The following PIK3R3 variants were observed in gnomAD, a reference collection of about 807,000 sequenced individuals.
PIK3R3 encodes phosphatidylinositol 3-kinase regulatory subunit gamma.
In PIK3R3, 64 loss-of-function variants were observed where a neutral mutation model predicts 62.9. The ratio of observed to expected loss-of-function variants is 1.02; its 90% confidence interval spans 0.83 to 1.25. PIK3R3 has a LOEUF of 1.25. Among genes scored for constraint, PIK3R3 ranks in the 50% most tolerant of loss-of-function variants. PIK3R3 has a pLI of 0.00. For synonymous variants in PIK3R3, 165 were observed against 189.0 expected (o/e 0.87, Z 1.04); for missense variants, 614 against 561.6 (o/e 1.09, Z -0.94).
At chr1:46,077,199 T>C (rs1382336611) in intron 3 of PIK3R3, among the ~76,000 whole-genome samples, 1 of 152,232 alleles carries the variant, frequency 6.6e-6, no homozygotes, top group Non-Finnish European at 1.5e-5. Context: ...AAGGATAGAT[T>C]CATTTTTACC....
chr1:46,106,899 C>T (rs1020387807), intron 1 of PIK3R3, among the ~76,000 whole-genome samples: 2 of 152,060 alleles, frequency 1.3e-5, no homozygotes, highest in Non-Finnish European at 2.9e-5. Context: ...CCTCAGCCTC[C>T]CAAGTAGCTG....
In PIK3R3 at chr1:46,132,215, G is replaced by A. The variant is rs1175897735; in HGVS notation, c.-263C>T. 1 of 1,217,712 alleles carries A rather than the reference G, an allele frequency of 8.2e-7. No homozygotes were observed. Among genetic ancestry groups the A allele is most frequent in the Non-Finnish European group, 1.0e-6 (1 of 971,492 alleles). The allele number at this position is 1,217,712 out of a possible 1,614,324, so 75.4% of individuals were successfully genotyped here. ...TACACAGAGGCTTGGGGGACGGAGA[G>A]CAGAGGTGTTAAAAAGCGGCTTCCC... On this transcript the variant is annotated 5_prime_UTR_variant, in exon 1 of 10. Coordinates refer to ENST00000262741, the MANE Select transcript of PIK3R3 (RefSeq NM_003629.4).
In PIK3R3 at chr1:46,080,741, G is replaced by A. The variant is rs780117361; in HGVS notation, c.116C>T (p.Pro39Leu). The stretch of plus-strand genomic sequence containing the variant: ...TGAAGTCATTGGCTTAGGTGGCTTT[G>A]GTGGAAGAGCTAGAAGAGAAATGAA... ...YIEMDPPALPPKPPKPMTSAV... is the reference protein window; with the variant it reads ...YIEMDPPALPLKPPKPMTSAV... The change falls in exon 2 of 10, where the codon CCA (proline) becomes CTA (leucine). Residue 39 changes from proline (P) to leucine (L), a missense_variant. By Grantham distance (98) the Pro-to-Leu change is moderately conservative. Transcript: ENST00000262741. 1 of 1,608,446 alleles carries A rather than the reference G, an allele frequency of 6.2e-7. No individual in the cohort carries two copies.
At chr1:46,043,907 G>C in intron 9 of PIK3R3, 36 bp from the exon 10 acceptor site, 1 of 1,545,870 alleles carries the variant, frequency 6.5e-7, no homozygotes, top group South Asian at 1.1e-5. Flanking sequence ...TGTTAAGGTA[G>C]GTAACAATAG....
In PIK3R3 at chr1:46,124,373, C is replaced by G. The variant is rs1392515901; in HGVS notation, c.106+7474G>C. Among the ~76,000 whole-genome samples the G allele has an allele frequency of 2.6e-5, 4 of 152,322 alleles. No individual in the cohort carries two copies. In the East Asian group the frequency reaches 7.7e-4, roughly 29 times the overall value. On this transcript the variant is annotated intron_variant, in intron 1 of 9. Coordinates refer to ENST00000262741, the MANE Select transcript of PIK3R3 (RefSeq NM_003629.4). ...GTTCTTTCTACTACACTCAGGCTGT[C>G]TCCCCCTTTAATACCAATAAAAAAT...
intron 4 of PIK3R3, among the ~76,000 whole-genome samples, chr1:46,066,406 T>TA (rs1442301047): frequency 6.6e-6 from 1 of 152,216 alleles, no homozygotes; most frequent in East Asian, 1.9e-4. Context: ...ATTAATACTT[T>TA]AAAAATTAAG....
chr1:46,073,346 C>T (rs1649722462), intron 3 of PIK3R3, among the ~76,000 whole-genome samples: 1 of 152,056 alleles, frequency 6.6e-6, no homozygotes, highest in South Asian at 2.1e-4. Context: ...TTTTAAGGTC[C>T]GGCCTACAGA....
upstream of PIK3R3, among the ~76,000 whole-genome samples, chr1:46,135,647 C>G (rs1655902068): frequency 6.6e-6 from 1 of 152,118 alleles, no homozygotes; most frequent in Admixed American, 6.6e-5. Context: ...GATCTCAGAG[C>G]TCTCTGTGCC....
intron 1 of PIK3R3, 117 bp from the exon 2 acceptor site, chr1:46,080,867 G>C (rs1460350644): frequency 1.5e-6 from 1 of 655,876 alleles, no homozygotes; most frequent in African/African-American, 1.8e-5. Flanking sequence ...CAATCAAATT[G>C]AGTATTATTT....
upstream of PIK3R3, among the ~76,000 whole-genome samples, chr1:46,136,103 C>T (rs1395524103): frequency 1.4e-5 from 2 of 144,978 alleles, no homozygotes; most frequent in East Asian, 2.0e-4. Flanking sequence ...CTAGCATTAG[C>T]ACCAGAACTG....
the PIK3R3 span, among the ~76,000 whole-genome samples, chr1:46,158,559 T>G: frequency 6.6e-6 from 1 of 152,244 alleles, no homozygotes; most frequent in Non-Finnish European, 1.5e-5. Flanking sequence ...TGGCTACTAA[T>G]GTACAGCTGT....
chr1:46,083,672 T>C (rs1650809684), intron 1 of PIK3R3, among the ~76,000 whole-genome samples: 1 of 152,070 alleles, frequency 6.6e-6, no homozygotes, highest in Non-Finnish European at 1.5e-5. Flanking sequence ...AATAAGCACA[T>C]GAAAAGATAC....
chr1:46,071,730 T>TATATATAGAGAGAGAGAGAG (rs1163343399), intron 3 of PIK3R3, among the ~76,000 whole-genome samples: 3 of 59,046 alleles, frequency 5.1e-5, no homozygotes, highest in African/African-American at 2.4e-4. Flanking sequence ...TATATATATA[T>TATATATAGAGAGAGAGAGAG]AGAGAGAGAG....
At chr1:46,071,470 C>T (rs914661673) in intron 3 of PIK3R3, among the ~76,000 whole-genome samples, 4 of 151,296 alleles carry the variant, frequency 2.6e-5, no homozygotes, top group African/African-American at 9.7e-5. Context: ...CCGAGGCGGG[C>T]AGATCACCTG....
At chr1:46,054,801 A>G (rs1647715580) in intron 7 of PIK3R3, among the ~76,000 whole-genome samples, 1 of 152,230 alleles carries the variant, frequency 6.6e-6, no homozygotes, top group South Asian at 2.1e-4. Context: ...ATATTTGGCT[A>G]AATTATATAG....
At chr1:46,045,128 C>A (rs1169146325) in intron 9 of PIK3R3, among the ~76,000 whole-genome samples, 2 of 152,188 alleles carry the variant, frequency 1.3e-5, no homozygotes, top group Non-Finnish European at 2.9e-5. Flanking sequence ...CAGATTAACT[C>A]ATTTAATCCT....
At chr1:46,112,491 A>C (rs1653828008) in intron 1 of PIK3R3, among the ~76,000 whole-genome samples, 1 of 152,246 alleles carries the variant, frequency 6.6e-6, no homozygotes, top group African/African-American at 2.4e-5. Context: ...ATATATTGAC[A>C]AACTTTCCAA....
At chr1:46,114,088 G>A (rs1653967626) in intron 1 of PIK3R3, among the ~76,000 whole-genome samples, 1 of 152,104 alleles carries the variant, frequency 6.6e-6, no homozygotes, top group Non-Finnish European at 1.5e-5. Context: ...AAACAGCAAC[G>A]TATAGTAACG....
At chr1:46,066,824 A>T in intron 4 of PIK3R3, 87 bp downstream of exon 4, 1 of 1,097,854 alleles carries the variant, frequency 9.1e-7, no homozygotes, top group Non-Finnish European at 1.4e-6. Flanking sequence ...CTAGTTTTTT[A>T]AAACTGATAA....
Sources: allele counts gnomAD v4.1 joint callset (sites outside exome capture counted in the v4.1 genomes callset), GRCh38; gene constraint gnomAD v4.1.1; transcripts MANE v1.5; gene names NCBI Gene and HGNC (gene_info 2026-07-23, HGNC 2026-07-21).